ADD1: variants seen among roughly 807,000 people sequenced by gnomAD.
ADD1 encodes adducin 1.
Under a neutral mutation model 80.5 loss-of-function variants are expected in ADD1, and 24 were observed. The observed-to-expected ratio is 0.30, with a 90% CI of 0.22 to 0.42. ADD1 has a LOEUF of 0.42. Among genes scored for constraint, ADD1 ranks in the 10% least tolerant of loss-of-function variants. The pLI, the probability that ADD1 is intolerant of heterozygous loss-of-function variation, is 1.00. For missense variants in ADD1, 948 were observed against 1,019.0 expected, an observed-to-expected ratio of 0.93 and a Z score of 0.95; for synonymous variants, 373 against 393.8, an observed-to-expected ratio of 0.95 and a Z score of 0.63.
intron 1 of ADD1, among the ~76,000 whole-genome samples, chr4:2,851,580 T>C (rs570539847): frequency 2.0e-4 from 30 of 152,362 alleles, no homozygotes; most frequent in South Asian, 8.3e-4. Context: ...TGCAGTTTAG[T>C]AGGAACTTTG....
At chr4:2,866,979 G>A (rs1033941503) in intron 1 of ADD1, among the ~76,000 whole-genome samples, 8 of 152,114 alleles carry the variant, frequency 5.3e-5, no homozygotes, top group African/African-American at 1.9e-4. Context: ...GGCTGAGATG[G>A]GAGGATCACT....
chr4:2,914,800 C>G (rs149999176), intron 13 of ADD1, 84 bp from the exon 14 acceptor site: 2 of 1,497,544 alleles, frequency 1.3e-6, no homozygotes, highest in African/African-American at 1.4e-5. Flanking sequence ...CTCCTGCCCC[C>G]GCCCTGCCTG....
chr4:2,908,523 G>A lies in ADD1; in HGVS notation c.1617G>A (p.Glu539=). The change falls in exon 12 of 16, where the codon GAG becomes GAA. Residue 539 remains glutamate, a synonymous_variant. Coordinates refer to ENST00000683351, the MANE Select transcript of ADD1 (RefSeq NM_001354761.2). The part of the protein sequence containing the change: ...EVQEMRNKIR[E]QNLQDIKTAG... The stretch of plus-strand genomic sequence containing the variant: ...CTCCTTCCCACCCTCAGATCCGAGA[G>A]CAGAATTTACAGGACATTAAGACGG... 2 of 1,614,182 alleles carry A rather than the reference G, an allele frequency of 1.2e-6. No homozygotes were observed. The highest frequency in any genetic ancestry group is 1.1e-5 in the South Asian group (1 of 91,084).
At chr4:2,881,875 A>G in intron 2 of ADD1, 23 bp from the exon 3 acceptor site, 1 of 1,579,580 alleles carries the variant, frequency 6.3e-7, no homozygotes, top group Admixed American at 1.9e-5. Flanking sequence ...ATGGTATCTC[A>G]GTGTTTTAAT....
At chr4:2,871,285 T>C (rs1305128177) in intron 1 of ADD1, among the ~76,000 whole-genome samples, 1 of 152,132 alleles carries the variant, frequency 6.6e-6, no homozygotes, top group East Asian at 1.9e-4. Context: ...GATGACATTT[T>C]CTAACCAGGC....
At position 2,926,286 on chromosome 4, in the gene ADD1, C is replaced by T. The variant is rs1236877928; in HGVS notation, c.2047+174C>T. 1 of 738,910 alleles carries T rather than the reference C, an allele frequency of 1.4e-6. No individual in the cohort carries two copies. The highest frequency in any genetic ancestry group is 2.4e-6 in the Non-Finnish European group (1 of 412,874). 45.8% of individuals were successfully genotyped at this position (738,910 alleles called of 1,614,324 possible). ...TGCTTCTGTCCTGGGTAACTCCAGG[C>T]AAAACAGATTTGTATGTGAGCTGTG... On this transcript the variant is annotated intron_variant, in intron 15 of 15. Transcript: ENST00000683351. This position sits in a 1 kb window ranked among gnomAD's most constrained non-coding sequence, Gnocchi z 5.0.
At chr4:2,899,929 G>A (rs968976732) in intron 9 of ADD1, 9 of 247,488 alleles carry the variant, frequency 3.6e-5, no homozygotes, top group African/African-American at 2.1e-4. Flanking sequence ...TGGTCCAGAA[G>A]GCGGGCTTAT....
intron 1 of ADD1, among the ~76,000 whole-genome samples, chr4:2,852,085 C>T (rs1404151443): frequency 6.6e-6 from 1 of 152,114 alleles, no homozygotes; most frequent in Non-Finnish European, 1.5e-5. Flanking sequence ...ATCTGCCCGC[C>T]TCAGCCTCCC....
At position 2,847,033 on chromosome 4, in the gene ADD1, C is replaced by T. The variant is rs182626751; in HGVS notation, c.-21+3009C>T. Among the ~76,000 whole-genome samples the T allele has an allele frequency of 8.7e-3, 1,327 of 152,048 alleles. 13 individuals are homozygous for T. Among genetic ancestry groups the T allele is most frequent in the Non-Finnish European group, 0.013 (878 of 67,968 alleles). On this transcript the variant is annotated intron_variant, in intron 1 of 15. Coordinates refer to ENST00000683351, the MANE Select transcript of ADD1 (RefSeq NM_001354761.2). ...TCGGGAGGCTGAGGCAGGAGAATGG[C>T]GTGAACCCGGGAGGCGGAGCTTGCA...
intron 1 of ADD1, among the ~76,000 whole-genome samples, chr4:2,852,138 T>TTTTCTTTTTTTC (rs1727191748): frequency 2.0e-5 from 2 of 97,580 alleles, no homozygotes; most frequent in Admixed American, 2.1e-4. Flanking sequence ...ACCCGGCCTC[T>TTTTCTTTTTTTC]TTTCTTTCTT....
intron 14 of ADD1, among the ~76,000 whole-genome samples, chr4:2,921,070 G>C (rs1467287870): frequency 6.6e-6 from 1 of 152,162 alleles, no homozygotes; most frequent in Non-Finnish European, 1.5e-5. Context: ...GTCTGTAAAG[G>C]AGTTTATTTC....
rs1737603966 is a variant in ADD1 at position 2,909,330 on chromosome 4, C to T, written c.1699-9C>T. 1.9e-6 allele frequency: 3 copies of T among 1,549,098 alleles called. No homozygotes were observed. Among genetic ancestry groups the T allele is most frequent in the Middle Eastern group, 1.7e-4 (1 of 5,990 alleles). ...TGGTGTGCTCTGGTGACTCAGTTTACTGTTTCAGGATGCACCTCTCTCTGA... is the reference window on the plus strand; with the variant it reads ...TGGTGTGCTCTGGTGACTCAGTTTATTGTTTCAGGATGCACCTCTCTCTGA... On this transcript the variant is annotated splice_polypyrimidine_tract_variant and intron_variant, in intron 12 of 15. Transcript: ENST00000683351.
intron 1 of ADD1, among the ~76,000 whole-genome samples, chr4:2,851,586 C>A (rs1727079293): frequency 1.3e-5 from 2 of 152,154 alleles, no homozygotes; most frequent in Admixed American, 6.5e-5. Context: ...TTAGTAGGAA[C>A]TTTGTGGTTA....
intron 1 of ADD1, among the ~76,000 whole-genome samples, chr4:2,847,876 C>T (rs927372489): frequency 6.6e-6 from 1 of 152,060 alleles, no homozygotes; most frequent in African/African-American, 2.4e-5. Context: ...AGGAGGCAAC[C>T]AGATATGCAT....
rs549599650 is a variant in ADD1, at chr4:2,928,477, G to T, written c.2354G>T (p.Arg785Leu). ...KSPSKKKKKF[R>L]TPSFLKKSKK... The stretch of plus-strand genomic sequence containing the variant: ...CCGTCCAAAAAGAAGAAGAAGTTCC[G>T]TACCCCGTCCTTTCTGAAGAAGAGC... The change falls in exon 16 of 16, where the codon CGT becomes CTT. Residue 785 changes from arginine to leucine, a missense_variant. Coordinates refer to ENST00000683351, the MANE Select transcript of ADD1 (RefSeq NM_001354761.2). The T allele has an allele frequency of 2.5e-6, 4 of 1,613,824 alleles. No individual in the cohort carries two copies. In the African/African-American group the frequency reaches 4.0e-5, roughly 16 times the overall value.
Position 2,928,317 on chromosome 4 carries a change from C to T in ADD1, c.2194C>T (p.Pro732Ser). The T allele has an allele frequency of 1.2e-6, 2 of 1,614,046 alleles. No individual in the cohort carries two copies. The highest frequency in any genetic ancestry group is 1.7e-6 in the Non-Finnish European group (2 of 1,180,014). Residue 732 changes from proline (P) to serine (S), a missense_variant, in exon 16 of 16, where the codon CCC becomes TCC. Transcript: ENST00000683351. ...KEEEAHRPPS[P>S]TEAPTEASPE... Reference sequence around the variant, plus strand: ...GGAGGAAGCCCATAGACCCCCAAGCCCCACTGAGGCCCCTACTGAGGCCAG... The same window carrying T: ...GGAGGAAGCCCATAGACCCCCAAGCTCCACTGAGGCCCCTACTGAGGCCAG...
chr4:2,913,582 C>T (rs1415811951), intron 13 of ADD1, among the ~76,000 whole-genome samples: 1 of 152,144 alleles, frequency 6.6e-6, no homozygotes, highest in Non-Finnish European at 1.5e-5. Context: ...GTTCCAGCAG[C>T]CCATCTGTCC....
At chr4:2,851,001 A>G (rs910213054) in intron 1 of ADD1, among the ~76,000 whole-genome samples, 10 of 152,194 alleles carry the variant, frequency 6.6e-5, no homozygotes, top group Admixed American at 1.3e-4. Flanking sequence ...TGAAAATGTT[A>G]TAACGTTAGA....
intron 1 of ADD1, among the ~76,000 whole-genome samples, chr4:2,869,551 G>A (rs889725358): frequency 6.6e-6 from 1 of 152,168 alleles, no homozygotes; most frequent in Non-Finnish European, 1.5e-5. Context: ...GCTTCAACAT[G>A]TGAATTTTGG....
Sources: gnomAD v4.1 joint callset for allele counts (sites outside exome capture counted in the v4.1 genomes callset) on GRCh38, gnomAD v4.1.1 for gene constraint, Gnocchi (gnomAD v3.1) non-coding constraint, MANE v1.5 for transcripts, NCBI Gene and HGNC (gene_info 2026-07-23, HGNC 2026-07-21) for gene names.